The following ANG variants were observed in gnomAD, a reference collection of about 807,000 sequenced individuals.
ANG encodes angiogenin.
For synonymous variants in ANG, 74 were observed against 73.8 expected (o/e 1.00, Z -0.02); for missense variants, 178 against 187.4 (o/e 0.95, Z 0.29).
At chr14:20,693,142 C>T (rs1021365734) in intron 1 of ANG, among the ~76,000 whole-genome samples, 23 of 152,224 alleles carry the variant, frequency 1.5e-4, no homozygotes, top group Admixed American at 2.6e-4. Context: ...CCACCGCGCC[C>T]GGCCGTCATT....
At chr14:20,689,943 C>T (rs1291821452) in intron 1 of ANG, among the ~76,000 whole-genome samples, 4 of 145,998 alleles carry the variant, frequency 2.7e-5, no homozygotes, top group Non-Finnish European at 6.0e-5. Flanking sequence ...AGGCCGGGCG[C>T]GGTGGCTCAC....
At chr14:20,690,239 A>AAAAAAAAAAAAAG (rs1886667469) in intron 1 of ANG, among the ~76,000 whole-genome samples, 2 of 149,734 alleles carry the variant, frequency 1.3e-5, no homozygotes, top group African/African-American at 4.9e-5. Flanking sequence ...AAAAAAAAAA[A>AAAAAAAAAAAAAG]AAAAAAAAAG....
chr14:20,688,624 G>T (rs1377293418), upstream of ANG: 2 of 855,986 alleles, frequency 2.3e-6, no homozygotes, highest in African/African-American at 1.8e-5. Context: ...ATCCATTCAG[G>T]TGGGTTAATA....
At chr14:20,686,969 C>T (rs1886454334), upstream of ANG, among the ~76,000 whole-genome samples, 1 of 152,106 alleles carries the variant, frequency 6.6e-6, no homozygotes. Context: ...TGTCTGTGTG[C>T]AGGGACATTA....
chr14:20,688,259 CT>C (rs1200720903), upstream of ANG, among the ~76,000 whole-genome samples: 11 of 152,162 alleles, frequency 7.2e-5, no homozygotes, highest in Non-Finnish European at 1.6e-4. Context: ...ACAACCTTCT[CT>C]GGAAGTGCTT....
Position 20,688,772 on chromosome 14 carries a change from C to T in ANG, c.-121C>T, listed in dbSNP as rs554154902. ...CTATATAATCAGAACCTGGAGAGGC[C>T]TCCAGGTTCACACAACTGGAACCCA... On this transcript the variant is annotated 5_prime_UTR_variant, in exon 1 of 2. Coordinates refer to ENST00000397990, the MANE Select transcript of ANG (RefSeq NM_001097577.3). 1.0e-6 allele frequency: 1 copy of T among 985,352 alleles called. No homozygotes were observed. Among genetic ancestry groups the T allele is most frequent in the East Asian group, 1.1e-4 (1 of 8,814 alleles). 61.0% of individuals were successfully genotyped at this position (985,352 alleles called of 1,614,324 possible).
chr14:20,686,392 T>C (rs1046521138), upstream of ANG, among the ~76,000 whole-genome samples: 1 of 152,222 alleles, frequency 6.6e-6, no homozygotes, highest in Non-Finnish European at 1.5e-5. Flanking sequence ...CAAGTTATTG[T>C]TGGAAGCATT....
chr14:20,692,068 TACAC>T (rs1393841062), intron 1 of ANG, among the ~76,000 whole-genome samples: 2 of 152,222 alleles, frequency 1.3e-5, no homozygotes, highest in African/African-American at 4.8e-5. Context: ...TTCATTGACT[TACAC>T]ACAAGAGAAG....
At chr14:20,685,580 G>T (rs1183354771), upstream of ANG, among the ~76,000 whole-genome samples, 3 of 152,154 alleles carry the variant, frequency 2.0e-5, no homozygotes, top group Non-Finnish European at 4.4e-5. Flanking sequence ...AAGAGGATAG[G>T]TTTATTACAT....
upstream of ANG, among the ~76,000 whole-genome samples, chr14:20,688,367 T>C (rs1194107742): frequency 6.6e-6 from 1 of 152,228 alleles, no homozygotes; most frequent in Admixed American, 6.5e-5. Context: ...TGATAAATGA[T>C]AAATAGTACA....
At chr14:20,688,644 A>G (rs1265436010), upstream of ANG, 3 of 976,024 alleles carry the variant, frequency 3.1e-6, no homozygotes, top group East Asian at 1.1e-4. Flanking sequence ...ATCTAACCCA[A>G]TCATGCCCAG....
chr14:20,690,751 G>T (rs17114699), intron 1 of ANG, among the ~76,000 whole-genome samples: 31,252 of 152,008 alleles, frequency 0.21, 4,577 homozygotes, highest in African/African-American at 0.42. Flanking sequence ...ACAAACCTAG[G>T]CCTGGAGAGA....
At chr14:20,689,928 A>AAAAAC (rs1311536110) in intron 1 of ANG, among the ~76,000 whole-genome samples, 1 of 151,046 alleles carries the variant, frequency 6.6e-6, no homozygotes, top group Non-Finnish European at 1.5e-5. Flanking sequence ...AAAAAAAAAA[A>AAAAAC]AAACAGGCCG....
In ANG at chr14:20,688,828, C is replaced by G; in HGVS notation, c.-65C>G. ...AGGAACAAACAGCTGGAACCCATCT[C>G]CCGTTGAAGGGAAACTGCCAGATTT... On this transcript the variant is annotated 5_prime_UTR_variant, in exon 1 of 2. Transcript: ENST00000397990. 1 of 985,396 alleles carries G rather than the reference C, an allele frequency of 1.0e-6. No homozygotes were observed. Among genetic ancestry groups the G allele is most frequent in the Non-Finnish European group, 1.2e-6 (1 of 829,916 alleles). The allele number at this position is 985,396 out of a possible 1,614,324, so 61.0% of individuals were successfully genotyped here. A position where few individuals can be genotyped will look rare whatever the true frequency, so the allele number is the denominator to read the frequency against.
upstream of ANG, among the ~76,000 whole-genome samples, chr14:20,686,718 C>T (rs1461892474): frequency 1.3e-5 from 2 of 152,182 alleles, no homozygotes; most frequent in African/African-American, 2.4e-5. Context: ...TTCCTGGAGA[C>T]GTGGTTCTTC....
intron 1 of ANG, among the ~76,000 whole-genome samples, chr14:20,689,927 A>C (rs1594204912): frequency 1.3e-5 from 2 of 150,728 alleles, no homozygotes; most frequent in African/African-American, 2.4e-5. Flanking sequence ...AAAAAAAAAA[A>C]AAAACAGGCC....
At chr14:20,687,916 C>T (rs1886498990), upstream of ANG, among the ~76,000 whole-genome samples, 1 of 152,200 alleles carries the variant, frequency 6.6e-6, no homozygotes. Flanking sequence ...AGATCCAACA[C>T]CACTGTGGGC....
intron 1 of ANG, among the ~76,000 whole-genome samples, chr14:20,690,255 A>C (rs1334872697): frequency 1.3e-5 from 2 of 150,786 alleles, no homozygotes; most frequent in African/African-American, 4.9e-5. Flanking sequence ...AAAAGAAAAG[A>C]AAAGAAAAAA....
chr14:20,693,669 C>G lies in ANG; in HGVS notation c.105C>G (p.Thr35=), dbSNP rs776687942. The G allele has an allele frequency of 6.2e-7, 1 of 1,614,116 alleles. No individual in the cohort carries two copies. The change falls in exon 2 of 2, where the codon ACC becomes ACG. Residue 35 remains threonine (T), a synonymous_variant. Transcript: ENST00000397990. ...QDNSRYTHFL[T]QHYDAKPQGR... ...ACTCCAGGTACACACACTTCCTGAC[C>G]CAGCACTATGATGCCAAACCACAGG...
Sources: gnomAD v4.1 joint callset for allele counts (sites outside exome capture counted in the v4.1 genomes callset) on GRCh38, gnomAD v4.1.1 for gene constraint, MANE v1.5 for transcripts, NCBI Gene and HGNC (gene_info 2026-07-23, HGNC 2026-07-21) for gene names.